RIPK4: variants seen among roughly 807,000 people sequenced by gnomAD.
RIPK4 encodes the protein receptor-interacting serine/threonine-protein kinase 4.
In RIPK4, 17 loss-of-function variants were observed where a neutral mutation model predicts 42.9. That is an observed-to-expected ratio of 0.40 (90% CI 0.27 to 0.59). RIPK4 has a LOEUF of 0.59. Among genes scored for constraint, RIPK4 ranks in the 20% least tolerant of loss-of-function variants. The pLI, the probability that RIPK4 is intolerant of heterozygous loss-of-function variation, is 0.47. For synonymous variants in RIPK4, 498 were observed against 499.1 expected (o/e 1.00, Z 0.03); for missense variants, 897 against 1,104.4 (o/e 0.81, Z 2.66).
intron 4 of RIPK4, among the ~76,000 whole-genome samples, chr21:41,748,042 A>G (rs2061177188): frequency 6.6e-6 from 1 of 152,218 alleles, no homozygotes; most frequent in Non-Finnish European, 1.5e-5. Context: ...TCTATCAGAC[A>G]CTGCCTCATT....
At position 41,751,252 on chromosome 21, in the gene RIPK4, C is replaced by T. The variant is rs751777961; in HGVS notation, c.475-7G>A. 1.2e-6 allele frequency: 2 copies of T among 1,613,946 alleles called. No homozygotes were observed. The highest frequency in any genetic ancestry group is 4.5e-5 in the East Asian group (2 of 44,884). On this transcript the variant is annotated splice_region_variant and splice_polypyrimidine_tract_variant and intron_variant, in intron 2 of 7. Transcript: ENST00000332512. This position sits in a 1 kb window ranked among gnomAD's most constrained non-coding sequence, Gnocchi z 4.5. ...CCAGACCAAAATCAGAAATCTGCAA[C>T]ACAGCCATCAGAGCGGGGCTCATTA... is the stretch of plus-strand genomic sequence containing the variant.
Position 41,740,942 on chromosome 21 carries a change from C to G in RIPK4, c.2251G>C (p.Val751Leu), listed in dbSNP as rs1397981652. Residue 751 changes from valine to leucine, a missense_variant, in exon 8 of 8, where the codon GTG (valine) becomes CTG (leucine). By Grantham distance (32) the Val-to-Leu change is conservative. Transcript: ENST00000332512. ...LAAQGRHAQT[V>L]ETLLRHGAHI... ...GCCCCATGCCTGAGCAGAGTCTCCACCGTCTGTGCGTGCCGGCCCTGGGCG... is the reference window on the plus strand; with the variant it reads ...GCCCCATGCCTGAGCAGAGTCTCCAGCGTCTGTGCGTGCCGGCCCTGGGCG... The G allele has an allele frequency of 3.7e-6, 6 of 1,612,646 alleles. No homozygotes were observed. Among genetic ancestry groups the G allele is most frequent in the Non-Finnish European group, 5.1e-6 (6 of 1,179,902 alleles).
rs1462403860 is a variant in RIPK4 at position 41,751,897 on chromosome 21, G to A, written c.475-652C>T. On this transcript the variant is annotated intron_variant, in intron 2 of 7. Transcript: ENST00000332512. This position sits in a 1 kb window ranked among gnomAD's most constrained non-coding sequence, Gnocchi z 4.5. ...GAGTGAAGGTCTGATAAACACCTCT[G>A]CTGGCAGCGCCCGGGCCCCAAGGAG... 6.6e-6 allele frequency among the ~76,000 whole-genome samples: 1 copy of A among 152,188 alleles called. No individual in the cohort carries two copies. Among genetic ancestry groups the A allele is most frequent in the Admixed American group, 6.5e-5 (1 of 15,282 alleles).
intron 5 of RIPK4, 108 bp from the exon 6 acceptor site, chr21:41,745,970 C>T (rs922239855): frequency 1.9e-5 from 18 of 954,384 alleles, no homozygotes; most frequent in African/African-American, 1.6e-4. Context: ...TCACACGCCT[C>T]GGCCCAGCCT....
chr21:41,749,891 A>T (rs2061183375), intron 3 of RIPK4, among the ~76,000 whole-genome samples: 1 of 104,760 alleles, frequency 9.5e-6, no homozygotes, highest in Non-Finnish European at 1.9e-5. Context: ...AAATTGATTA[A>T]AAAAAAAAAA....
rs1313172198 is a variant in RIPK4 at position 41,746,670 on chromosome 21, T to G, written c.775A>C (p.Ile259Leu). ...RARPRACSHL[I>L]RLMQRCWQGD... Reference sequence around the variant, plus strand: ...TGCCAGCACCGCTGCATGAGGCGTATCAGGTGGCTGCAGGCGCGCGGCCGG... The same window carrying G: ...TGCCAGCACCGCTGCATGAGGCGTAGCAGGTGGCTGCAGGCGCGCGGCCGG... The change falls in exon 5 of 8, where the codon ATA becomes CTA. Residue 259 changes from isoleucine to leucine, a missense_variant. Coordinates refer to ENST00000332512, the MANE Select transcript of RIPK4 (RefSeq NM_020639.3). 1.2e-6 allele frequency: 2 copies of G among 1,611,342 alleles called. No homozygotes were observed. Among genetic ancestry groups the G allele is most frequent in the Non-Finnish European group, 1.7e-6 (2 of 1,179,856 alleles).
intron 1 of RIPK4, among the ~76,000 whole-genome samples, chr21:41,764,058 G>A (rs1243573026): frequency 4.6e-5 from 7 of 152,206 alleles, no homozygotes; most frequent in Non-Finnish European, 8.8e-5. Flanking sequence ...CATGATGAAG[G>A]TAATCTCAGA....
At chr21:41,766,157 G>C (rs2061235493) in intron 1 of RIPK4, among the ~76,000 whole-genome samples, 1 of 152,252 alleles carries the variant, frequency 6.6e-6, no homozygotes, top group African/African-American at 2.4e-5. Context: ...TAAAACGAGA[G>C]TGTGCGGCGA....
At position 41,740,929 on chromosome 21, in the gene RIPK4, A is replaced by G; in HGVS notation, c.2264T>C (p.Leu755Pro). The change falls in exon 8 of 8, where the codon CTC becomes CCC. Residue 755 changes from leucine (L) to proline (P), a missense_variant. Coordinates refer to ENST00000332512, the MANE Select transcript of RIPK4 (RefSeq NM_020639.3). ...CAGGTTGATGTGGGCCCCATGCCTGAGCAGAGTCTCCACCGTCTGTGCGTG... is the reference window on the plus strand; with the variant it reads ...CAGGTTGATGTGGGCCCCATGCCTGGGCAGAGTCTCCACCGTCTGTGCGTG... ...GRHAQTVETLLRHGAHINLQS... is the reference protein window; with the variant it reads ...GRHAQTVETLPRHGAHINLQS... 6.2e-7 allele frequency: 1 copy of G among 1,612,642 alleles called. No individual in the cohort carries two copies. Among genetic ancestry groups the G allele is most frequent in the East Asian group, 2.2e-5 (1 of 44,866 alleles).
At chr21:41,760,364 T>C (rs1314769881) in intron 1 of RIPK4, among the ~76,000 whole-genome samples, 1 of 152,184 alleles carries the variant, frequency 6.6e-6, no homozygotes, top group Non-Finnish European at 1.5e-5. Context: ...AGGAAGAAGA[T>C]GGCGAACTAC....
Position 41,741,848 on chromosome 21 carries a change from C to T in RIPK4, c.1345G>A (p.Gly449Arg), listed in dbSNP as rs760172604. 3.0e-5 allele frequency: 48 copies of T among 1,612,600 alleles called. No homozygotes were observed. The highest frequency in any genetic ancestry group is 5.0e-5 in the Admixed American group (3 of 60,002). The change falls in exon 8 of 8, where the codon GGG becomes AGG. Residue 449 changes from glycine to arginine, a missense_variant. By Grantham distance (125) the Gly-to-Arg change is moderately radical. Transcript: ENST00000332512. ...ASLLHLAVEA[G>R]QEECAKWLLL... Reference sequence around the variant, plus strand: ...AGCCACTTGGCGCACTCCTCTTGCCCGGCCTCCACCGCCAGGTGCAGCAGG... The same window carrying T: ...AGCCACTTGGCGCACTCCTCTTGCCTGGCCTCCACCGCCAGGTGCAGCAGG...
At chr21:41,759,295 G>GTT (rs942765793) in intron 1 of RIPK4, among the ~76,000 whole-genome samples, 3 of 152,030 alleles carry the variant, frequency 2.0e-5, no homozygotes, top group African/African-American at 7.2e-5. Context: ...GGATTTTGCT[G>GTT]TTTGCCAGGG....
chr21:41,756,034 C>T (rs930367532), intron 2 of RIPK4, among the ~76,000 whole-genome samples: 3 of 152,194 alleles, frequency 2.0e-5, no homozygotes, highest in African/African-American at 4.8e-5. Context: ...ACAGAGGCAA[C>T]GAGCCCCTCC....
At chr21:41,754,989 C>T (rs1392345965) in intron 2 of RIPK4, among the ~76,000 whole-genome samples, 3 of 152,218 alleles carry the variant, frequency 2.0e-5, no homozygotes, top group Admixed American at 6.5e-5. Flanking sequence ...GGGCAGCTCC[C>T]GCAGGTGAAG....
At chr21:41,754,851 T>C (rs888468923) in intron 2 of RIPK4, among the ~76,000 whole-genome samples, 1 of 151,872 alleles carries the variant, frequency 6.6e-6, no homozygotes, top group Admixed American at 6.6e-5. Flanking sequence ...GCAGGCCAGG[T>C]GGAAATCAAG....
At chr21:41,763,082 T>C (rs998216000) in intron 1 of RIPK4, among the ~76,000 whole-genome samples, 2 of 152,146 alleles carry the variant, frequency 1.3e-5, no homozygotes, top group South Asian at 2.1e-4. Context: ...TAATTCTGCT[T>C]CCACGCAGGA....
chr21:41,763,673 T>C (rs972194218), intron 1 of RIPK4, among the ~76,000 whole-genome samples: 1 of 152,162 alleles, frequency 6.6e-6, no homozygotes, highest in Admixed American at 6.5e-5. Context: ...TCCAATTATG[T>C]TCCCAGGGAG....
Position 41,751,041 on chromosome 21 carries a change from A to T in RIPK4, c.623+56T>A. The T allele has an allele frequency of 1.9e-6, 3 of 1,581,202 alleles. No individual in the cohort carries two copies. Among genetic ancestry groups the T allele is most frequent in the Non-Finnish European group, 2.6e-6 (3 of 1,161,978 alleles). ...AAAGCTGCAGCTCAGGGCATGAAGC[A>T]TTGAGGTTGAGAGCCCCTGGCACCC... On this transcript the variant is annotated intron_variant, in intron 3 of 7. Coordinates refer to ENST00000332512, the MANE Select transcript of RIPK4 (RefSeq NM_020639.3). The surrounding 1 kb of genome is among the most constrained non-coding windows in gnomAD (Gnocchi z 4.5).
rs1319184125 is a variant in RIPK4, at chr21:41,742,053, C to T, written c.1196-56G>A. 3.4e-6 allele frequency: 5 copies of T among 1,471,836 alleles called. No homozygotes were observed. The East Asian group carries it at 6.9e-5, about 20-fold the overall frequency. The allele number at this position is 1,471,836 out of a possible 1,614,324, so 91.2% of individuals were successfully genotyped here. On this transcript the variant is annotated intron_variant, in intron 7 of 7. Coordinates refer to ENST00000332512, the MANE Select transcript of RIPK4 (RefSeq NM_020639.3). This position sits in a 1 kb window ranked among gnomAD's most constrained non-coding sequence, Gnocchi z 5.1. ...CGTGGCTGCACATCCAGGGACGTGG[C>T]GTCTCTGGGAGCCTGGCTGTGGCGC...
Sources: allele counts gnomAD v4.1 joint callset (sites outside exome capture counted in the v4.1 genomes callset), GRCh38; gene constraint gnomAD v4.1.1; non-coding constraint Gnocchi (gnomAD v3.1); transcripts MANE v1.5; gene names NCBI Gene and HGNC (gene_info 2026-07-23, HGNC 2026-07-21).